Variants in TAOK3 observed in about 807,000 individuals in gnomAD.
TAOK3 encodes the protein serine/threonine-protein kinase TAO3.
A neutral mutation model predicts 120.4 loss-of-function variants in TAOK3; 40 were observed. That is an observed-to-expected ratio of 0.33 (90% CI 0.26 to 0.43). The LOEUF is 0.43. TAOK3 is among the 20% of genes least tolerant of loss of function. The pLI is 1.00. For missense variants in TAOK3, 821 were observed against 1,112.1 expected (o/e 0.74, Z 3.72); for synonymous variants, 355 against 387.5 (o/e 0.92, Z 0.99).
intron 13 of TAOK3, among the ~76,000 whole-genome samples, chr12:118,197,570 CCT>C (rs1719377920): frequency 6.6e-6 from 1 of 152,070 alleles, no homozygotes. Flanking sequence ...CAACTGAATT[CCT>C]CTCTTTTGCC....
chr12:118,283,165 C>A (rs1372644713), intron 1 of TAOK3, among the ~76,000 whole-genome samples: 1 of 152,142 alleles, frequency 6.6e-6, no homozygotes, highest in Non-Finnish European at 1.5e-5. Flanking sequence ...GTAGCTGAAG[C>A]AGTGCTCAAG....
Position 118,161,152 on chromosome 12 carries a change from T to C in TAOK3, c.2139+636A>G, listed in dbSNP as rs944020121. ...CTGAAGAGACGCATAGCCAGTGTGA[T>C]CCAGGTTGGCCTCATATCTGTGGCA... is the stretch of plus-strand genomic sequence containing the variant. On this transcript the variant is annotated intron_variant, in intron 18 of 20. Transcript: ENST00000392533. The surrounding 1 kb of genome is among the most constrained non-coding windows in gnomAD (Gnocchi z 4.5). 1.3e-5 allele frequency among the ~76,000 whole-genome samples: 2 copies of C among 152,224 alleles called. No homozygotes were observed. The highest frequency in any genetic ancestry group is 4.8e-5 in the African/African-American group (2 of 41,448).
chr12:118,201,429 A>T lies in TAOK3; in HGVS notation c.854T>A (p.Val285Asp), dbSNP rs1215411900. 6.2e-7 allele frequency: 1 copy of T among 1,613,548 alleles called. No individual in the cohort carries two copies. The highest frequency in any genetic ancestry group is 8.5e-7 in the Non-Finnish European group (1 of 1,179,742). The part of the protein sequence containing the change: ...DFVRRDRPLR[V>D]LIDLIQRTKD... ...TGTCCTCTGTATGAGGTCAATGAGG[A>T]CACGTAGTGGCCGGTCTCGTCGAAC... is the stretch of plus-strand genomic sequence containing the variant. Residue 285 changes from valine to aspartate, a missense_variant, in exon 12 of 21, where the codon GTC (valine) becomes GAC (aspartate). By Grantham distance (152) the Val-to-Asp change is radical. Around this residue, in one of 2 missense-constraint regions of TAOK3, gnomAD observed 467 missense variants for 540.0 expected, o/e 0.86. Transcript: ENST00000392533.
intron 1 of TAOK3, among the ~76,000 whole-genome samples, chr12:118,279,392 T>G (rs1446098234): frequency 6.6e-6 from 1 of 152,138 alleles, no homozygotes; most frequent in African/African-American, 2.4e-5. Context: ...CTGTTGATAG[T>G]TTCTTTTGTT....
intron 1 of TAOK3, among the ~76,000 whole-genome samples, chr12:118,268,491 A>G (rs971895411): frequency 6.6e-6 from 1 of 152,102 alleles, no homozygotes; most frequent in Non-Finnish European, 1.5e-5. Context: ...GAACGTTTTC[A>G]TTATTTCTGT....
chr12:118,305,775 G>A (rs2043029196), intron 1 of TAOK3, among the ~76,000 whole-genome samples: 1 of 151,432 alleles, frequency 6.6e-6, no homozygotes, highest in African/African-American at 2.4e-5. Flanking sequence ...GTGGTGGCGG[G>A]TGCCTGTAAT....
intron 14 of TAOK3, among the ~76,000 whole-genome samples, chr12:118,185,436 C>T (rs2037015239): frequency 6.6e-6 from 1 of 151,942 alleles, no homozygotes; most frequent in Non-Finnish European, 1.5e-5. Context: ...ATGATGTTAC[C>T]CTCTTAAGAG....
At chr12:118,246,876 C>T in intron 3 of TAOK3, 2 of 1,283,078 alleles carry the variant, frequency 1.6e-6, no homozygotes, top group Non-Finnish European at 2.2e-6. Context: ...TACCAAGTCT[C>T]CCTATCAGGA....
rs146389844 is a variant in TAOK3, at chr12:118,315,473, C to T, written c.-193-48714G>A. On this transcript the variant is annotated intron_variant, in intron 1 of 20. Transcript: ENST00000392533. ...CCACAAAAATGTATTGTTTGTAGCA[C>T]ACATAAATAAGAGTACAAATGGTAA... Among the ~76,000 whole-genome samples the T allele has an allele frequency of 2.2e-3, 328 of 152,162 alleles. 7 individuals are homozygous for T. Among genetic ancestry groups the T allele is most frequent in the Middle Eastern group, 6.8e-3 (2 of 294 alleles).
At chr12:118,172,840 G>C (rs1015429559) in intron 16 of TAOK3, among the ~76,000 whole-genome samples, 180 bp from the exon 17 acceptor site, 5 of 152,168 alleles carry the variant, frequency 3.3e-5, no homozygotes, top group Non-Finnish European at 7.3e-5. Flanking sequence ...TATTAAGTGA[G>C]AGGGACACTT....
chr12:118,252,425 G>A (rs78699582), intron 3 of TAOK3, among the ~76,000 whole-genome samples: 1,937 of 152,178 alleles, frequency 0.013, 47 homozygotes, highest in African/African-American at 0.043. Flanking sequence ...TTAAGGGGAC[G>A]GAGAGGGTTC....
chr12:118,313,401 C>A (rs1457380958), intron 1 of TAOK3, among the ~76,000 whole-genome samples: 1 of 152,094 alleles, frequency 6.6e-6, no homozygotes, highest in African/African-American at 2.4e-5. Context: ...CTCAGCCTCC[C>A]AAGTAGCTGG....
intron 19 of TAOK3, among the ~76,000 whole-genome samples, chr12:118,158,555 G>C (rs2034997330): frequency 6.6e-6 from 1 of 152,116 alleles, no homozygotes; most frequent in Non-Finnish European, 1.5e-5. Flanking sequence ...TGGTCACTAA[G>C]TTATTTCTAT....
At chr12:118,249,615 G>A (rs572211166) in intron 3 of TAOK3, among the ~76,000 whole-genome samples, 58 of 151,474 alleles carry the variant, frequency 3.8e-4, no homozygotes, top group Middle Eastern at 6.8e-3. Flanking sequence ...TTGAGCCCAG[G>A]AGTTTGGAAC....
chr12:118,342,700 G>C (rs1171935621), intron 1 of TAOK3, among the ~76,000 whole-genome samples: 2 of 152,146 alleles, frequency 1.3e-5, no homozygotes, highest in Non-Finnish European at 1.5e-5. Context: ...TTTCCCGGCT[G>C]AGGCAAGCAG....
intron 3 of TAOK3, among the ~76,000 whole-genome samples, chr12:118,249,493 C>A (rs1209239537): frequency 6.7e-6 from 1 of 148,812 alleles, no homozygotes; most frequent in Non-Finnish European, 1.5e-5. Flanking sequence ...ACCCAGGAGG[C>A]GGAGGTTGCA....
intron 3 of TAOK3, among the ~76,000 whole-genome samples, chr12:118,254,039 A>G (rs2040874518): frequency 6.6e-6 from 1 of 152,258 alleles, no homozygotes; most frequent in Non-Finnish European, 1.5e-5. Flanking sequence ...TGGGCTACAG[A>G]GCGAGGCTCT....
intron 1 of TAOK3, among the ~76,000 whole-genome samples, chr12:118,312,618 A>T (rs748551114): frequency 9.9e-5 from 15 of 152,242 alleles, no homozygotes; most frequent in Non-Finnish European, 1.6e-4. Flanking sequence ...CACAAAATCC[A>T]CAAAACAGCT....
At chr12:118,253,132 T>C (rs928600449) in intron 3 of TAOK3, among the ~76,000 whole-genome samples, 1 of 152,088 alleles carries the variant, frequency 6.6e-6, no homozygotes, top group Non-Finnish European at 1.5e-5. Flanking sequence ...GCAGAAGTAA[T>C]GGTAGGGCTG....
Sources: gnomAD v4.1 joint callset for allele counts (sites outside exome capture counted in the v4.1 genomes callset) on GRCh38, gnomAD v4.1.1 for gene constraint, gnomAD v4.1.1 regional missense constraint, Gnocchi (gnomAD v3.1) non-coding constraint, MANE v1.5 for transcripts, NCBI Gene and HGNC (gene_info 2026-07-23, HGNC 2026-07-21) for gene names.